NOMO1: variants seen among roughly 807,000 people sequenced by gnomAD.
NOMO1 encodes NODAL modulator 1, also known as nodal modulator 3.
NOMO1 carries 40 observed loss-of-function variants against 133.8 expected under a neutral mutation model. That is an observed-to-expected ratio of 0.30 (90% CI 0.23 to 0.39). The LOEUF (loss-of-function observed/expected upper bound fraction) is 0.39, where lower values mean the gene tolerates loss of function less well. Ranked by LOEUF, NOMO1 falls within the 10% of genes least tolerant of loss-of-function variation. The pLI, the probability that NOMO1 is intolerant of heterozygous loss-of-function variation, is 1.00. For missense variants in NOMO1, 462 were observed against 1,419.9 expected (o/e 0.33, Z 10.84); for synonymous variants, 236 against 570.5 (o/e 0.41, Z 8.36).
chr16:14,883,960 C>G (rs893433444), intron 26 of NOMO1, among the ~76,000 whole-genome samples: 1 of 148,950 alleles, frequency 6.7e-6, no homozygotes, highest in Non-Finnish European at 1.5e-5. Flanking sequence ...AACATGTTGG[C>G]AAGTAATTCA....
Position 14,866,695 on chromosome 16 carries a change from T to G in NOMO1, c.1806+4T>G, listed in dbSNP as rs765510122. On this transcript the variant is annotated splice_donor_region_variant and intron_variant, in intron 15 of 30. Coordinates refer to ENST00000287667, the MANE Select transcript of NOMO1 (RefSeq NM_014287.4). ...CCTGTCTCACGCCATCACTCTGGTA[T>G]GTACGGCTTATTGAGTCTCTTATTT... 6 of 1,610,076 alleles carry G rather than the reference T, an allele frequency of 3.7e-6. No homozygotes were observed. The South Asian group carries it at 5.5e-5, about 15-fold the overall frequency.
rs140931654 is a variant in NOMO1, at chr16:14,876,778, C to T, written c.2631C>T (p.Gly877=). Residue 877 remains glycine (G), a synonymous_variant, in exon 22 of 31, where the codon GGC becomes GGT. Transcript: ENST00000287667. ...ACTTCAAGGCCTATGCCCTGGCAGG[C>T]GTAAGCTTTGAGGTAACTAACACTG... ...IGDFKAYALA[G]VSFEIKAEDD... is the part of the protein sequence containing the mutation. 1.2e-6 allele frequency: 2 copies of T among 1,610,280 alleles called. No homozygotes were observed. Among genetic ancestry groups the T allele is most frequent in the Non-Finnish European group, 8.5e-7 (1 of 1,179,648 alleles).
At position 14,889,367 on chromosome 16, in the gene NOMO1, A is replaced by T. The variant is rs1964373860; in HGVS notation, c.3444+152A>T. 4 of 1,363,714 alleles carry T rather than the reference A, an allele frequency of 2.9e-6. No individual in the cohort carries two copies. The East Asian group carries it at 9.5e-5, about 32-fold the overall frequency. The allele number at this position is 1,363,714 out of a possible 1,614,324, so 84.5% of individuals were successfully genotyped here. A position where few individuals can be genotyped will look rare whatever the true frequency, so the allele number is the denominator to read the frequency against. On this transcript the variant is annotated intron_variant, in intron 29 of 30. Transcript: ENST00000287667. ...GGCAATACGGTAAAACCCCAACTCT[A>T]CAAAAAATACAAAAATTAACCGGGC...
intron 30 of NOMO1, among the ~76,000 whole-genome samples, 183 bp downstream of exon 30, chr16:14,895,273 A>AT (rs1275310508): frequency 7.0e-6 from 1 of 143,510 alleles, no homozygotes; most frequent in Non-Finnish European, 1.5e-5. Context: ...CTTCTGTAAC[A>AT]TCTCCTAATC....
chr16:14,891,138 T>C (rs1445532527), intron 29 of NOMO1, among the ~76,000 whole-genome samples: 1 of 149,834 alleles, frequency 6.7e-6, no homozygotes, highest in Non-Finnish European at 1.5e-5. Flanking sequence ...TGAGTACCCT[T>C]TTTTCCCCAA....
chr16:14,845,107 C>T (rs2151893437), intron 4 of NOMO1, among the ~76,000 whole-genome samples: 1 of 151,934 alleles, frequency 6.6e-6, no homozygotes, highest in East Asian at 1.9e-4. Flanking sequence ...CTGCAGCCTC[C>T]ACCTCCCAGG....
rs147619204 is a variant in NOMO1, at chr16:14,875,042, C to G, written c.2061C>G (p.Ser687=). The change falls in exon 19 of 31, where the codon TCC becomes TCG. Residue 687 remains serine, a synonymous_variant. Coordinates refer to ENST00000287667, the MANE Select transcript of NOMO1 (RefSeq NM_014287.4). ...GGGGCCGTCTTTCTTCTAGGTCTTC[C>G]ATCGACAGTGAACCCGCCTTGGTCT... The part of the protein sequence containing the change: ...MMDVTVTIKS[S]IDSEPALVLG... 7.9e-4 allele frequency: 1,271 copies of G among 1,613,678 alleles called. 4 individuals carry two copies. Among genetic ancestry groups the G allele is most frequent in the Non-Finnish European group, 1.0e-3 (1,178 of 1,179,864 alleles).
rs1256559035 is a variant in NOMO1 at position 14,836,453 on chromosome 16, G to A, written c.166-1954G>A. 2.0e-5 allele frequency among the ~76,000 whole-genome samples: 3 copies of A among 152,112 alleles called. No individual in the cohort carries two copies. In the East Asian group the frequency reaches 5.8e-4, roughly 29 times the overall value. On this transcript the variant is annotated intron_variant, in intron 1 of 30. Coordinates refer to ENST00000287667, the MANE Select transcript of NOMO1 (RefSeq NM_014287.4). ...AGATTCGACTGTTTCATTGCAGCTC[G>A]TGTCATGGTTTGTTTCATGGTCATA...
At chr16:14,882,541 C>T in intron 25 of NOMO1, 53 bp from the exon 26 acceptor site, 1 of 1,611,206 alleles carries the variant, frequency 6.2e-7, no homozygotes. Context: ...TTGGACCAGG[C>T]ACGATACGAC....
At chr16:14,840,896 G>T (rs1963595668) in intron 2 of NOMO1, among the ~76,000 whole-genome samples, 1 of 150,964 alleles carries the variant, frequency 6.6e-6, no homozygotes, top group Admixed American at 6.6e-5. Context: ...TGAACTCCTG[G>T]CCTCAAGTGA....
intron 3 of NOMO1, among the ~76,000 whole-genome samples, chr16:14,841,736 G>C (rs548749008): frequency 1.3e-5 from 2 of 151,750 alleles, no homozygotes; most frequent in Admixed American, 1.3e-4. Flanking sequence ...TCCCAGGATG[G>C]CTTCTTTTTT....
intron 1 of NOMO1, among the ~76,000 whole-genome samples, chr16:14,838,037 A>T (rs1407073346): frequency 7.0e-6 from 1 of 143,858 alleles, no homozygotes; most frequent in Non-Finnish European, 1.5e-5. Context: ...TACTGGCATG[A>T]GCCACCGTGC....
intron 26 of NOMO1, among the ~76,000 whole-genome samples, chr16:14,883,374 T>C (rs1964273275): frequency 6.6e-6 from 1 of 151,134 alleles, no homozygotes; most frequent in Non-Finnish European, 1.5e-5. Flanking sequence ...TCTCACCCTG[T>C]CACGCAGGAT....
At chr16:14,870,868 C>A (rs1964071817) in intron 16 of NOMO1, among the ~76,000 whole-genome samples, 1 of 147,496 alleles carries the variant, frequency 6.8e-6, no homozygotes, top group Admixed American at 6.8e-5. Flanking sequence ...TAATACCTGG[C>A]CAGGAAGAGG....
chr16:14,842,938 CT>C (rs996601516), intron 3 of NOMO1, among the ~76,000 whole-genome samples: 1 of 149,312 alleles, frequency 6.7e-6, no homozygotes, highest in Admixed American at 6.7e-5. Context: ...TTTATTTTTT[CT>C]TTTTTTTGAG....
chr16:14,871,568 T>C (rs1225351221), intron 16 of NOMO1, 53 bp from the exon 17 acceptor site: 38 of 1,611,000 alleles, frequency 2.4e-5, no homozygotes, highest in Non-Finnish European at 2.7e-5. Flanking sequence ...TCGGAATTGC[T>C]CGGTGTAATA....
Position 14,866,943 on chromosome 16 carries a change from T to C in NOMO1, c.1806+252T>C, listed in dbSNP as rs532480427. Reference sequence around the variant, plus strand: ...CTGACTGGTGATTCGGGGTGACCTTTGGTACAGTGCAGAGCACACTGGCTT... The same window carrying C: ...CTGACTGGTGATTCGGGGTGACCTTCGGTACAGTGCAGAGCACACTGGCTT... On this transcript the variant is annotated intron_variant, in intron 15 of 30. Transcript: ENST00000287667. Among the ~76,000 whole-genome samples the C allele has an allele frequency of 2.4e-3, 351 of 149,362 alleles. 10 individuals carry two copies. Among genetic ancestry groups the C allele is most frequent in the African/African-American group, 8.6e-3 (340 of 39,584 alleles).
At position 14,896,128 on chromosome 16, in the gene NOMO1, A is replaced by G. The variant is rs1447287245; in HGVS notation, c.*483A>G. The G allele has an allele frequency of 6.2e-7, 1 of 1,609,342 alleles. No homozygotes were observed. The highest frequency in any genetic ancestry group is 1.1e-5 in the South Asian group (1 of 90,780). The stretch of plus-strand genomic sequence containing the variant: ...CACTATTAGGAGGTAAAAATCAATA[A>G]AATGGCCCATTCATTTGTGTTGTAG... On this transcript the variant is annotated 3_prime_UTR_variant, in exon 31 of 31. Coordinates refer to ENST00000287667, the MANE Select transcript of NOMO1 (RefSeq NM_014287.4).
At chr16:14,887,141 G>C (rs2151011438) in intron 28 of NOMO1, among the ~76,000 whole-genome samples, 1 of 152,152 alleles carries the variant, frequency 6.6e-6, no homozygotes, top group South Asian at 2.1e-4. Context: ...GGTATCCTTT[G>C]GGTCTTTTTT....
Sources: allele counts gnomAD v4.1 joint callset (sites outside exome capture counted in the v4.1 genomes callset), GRCh38; gene constraint gnomAD v4.1.1; transcripts MANE v1.5; gene names NCBI Gene and HGNC (gene_info 2026-07-23, HGNC 2026-07-21).